The following HEMK2 variants were observed in gnomAD, a reference collection of about 807,000 sequenced individuals.
HEMK2 encodes the protein HemK methyltransferase 2, ETF1 glutamine and histone H4 lysine, also known as methyltransferase HEMK2.
chr21:28,879,492 C>G, the HEMK2 span, among the ~76,000 whole-genome samples: 8 of 152,196 alleles, frequency 5.3e-5, no homozygotes, highest in Non-Finnish European at 7.3e-5. Flanking sequence ...TCTGCCGCCT[C>G]GGCCTCCCAA....
chr21:28,732,617 G>T, the HEMK2 span, among the ~76,000 whole-genome samples: 1 of 152,184 alleles, frequency 6.6e-6, no homozygotes, highest in Admixed American at 6.5e-5. Context: ...AGGAGGAGTG[G>T]ATGTAAGCAT....
At chr21:28,606,744 G>T in the HEMK2 span, among the ~76,000 whole-genome samples, 1 of 152,184 alleles carries the variant, frequency 6.6e-6, no homozygotes, top group African/African-American at 2.4e-5. Context: ...AAATAAGACA[G>T]AAAAGGCTTC....
At chr21:28,814,404 C>T in the HEMK2 span, among the ~76,000 whole-genome samples, 3 of 151,588 alleles carry the variant, frequency 2.0e-5, no homozygotes, top group Non-Finnish European at 4.4e-5. Flanking sequence ...AACTAAAGAG[C>T]TTCTGCACAG....
the HEMK2 span, among the ~76,000 whole-genome samples, chr21:28,708,686 G>T: frequency 6.6e-6 from 1 of 152,174 alleles, no homozygotes; most frequent in African/African-American, 2.4e-5. Flanking sequence ...GCAAAAAAGG[G>T]TGTTAAAAGT....
At chr21:28,628,945 C>T in the HEMK2 span, among the ~76,000 whole-genome samples, 1 of 152,070 alleles carries the variant, frequency 6.6e-6, no homozygotes, top group Non-Finnish European at 1.5e-5. Flanking sequence ...GAAATAAATC[C>T]CAAAATATTA....
the HEMK2 span, among the ~76,000 whole-genome samples, chr21:28,700,456 G>C: frequency 6.6e-6 from 1 of 151,940 alleles, no homozygotes; most frequent in Admixed American, 6.6e-5. Flanking sequence ...ATAACCATGG[G>C]GACATTACCG....
chr21:28,656,239 G>A, the HEMK2 span, among the ~76,000 whole-genome samples: 8 of 152,000 alleles, frequency 5.3e-5, no homozygotes, highest in African/African-American at 1.9e-4. Flanking sequence ...AGTGGACCTT[G>A]TGGAAAATTC....
the HEMK2 span, among the ~76,000 whole-genome samples, chr21:28,708,781 G>T: frequency 6.6e-6 from 1 of 152,178 alleles, no homozygotes; most frequent in African/African-American, 2.4e-5. Context: ...CTCTATAAAG[G>T]CATAGCCAAA....
the HEMK2 span, among the ~76,000 whole-genome samples, chr21:28,748,086 T>C: frequency 6.6e-6 from 1 of 152,158 alleles, no homozygotes; most frequent in Non-Finnish European, 1.5e-5. Flanking sequence ...AACATAAAGA[T>C]GGTAACGATG....
chr21:28,648,288 TGA>T, the HEMK2 span, among the ~76,000 whole-genome samples: 1 of 152,216 alleles, frequency 6.6e-6, no homozygotes, highest in Non-Finnish European at 1.5e-5. Flanking sequence ...GGAAAAATCC[TGA>T]GAGTTAAACC....
chr21:28,759,150 C>G, the HEMK2 span, among the ~76,000 whole-genome samples: 10,653 of 152,258 alleles, frequency 0.07, 597 homozygotes, highest in East Asian at 0.16. Context: ...TCAGCTGCTA[C>G]CATCTTAAAA....
At chr21:28,761,955 G>GA in the HEMK2 span, among the ~76,000 whole-genome samples, 7 of 152,094 alleles carry the variant, frequency 4.6e-5, no homozygotes, top group African/African-American at 1.7e-4. Context: ...GGTAGGAAAA[G>GA]AAACATCATG....
chr21:28,625,242 G>A, the HEMK2 span, among the ~76,000 whole-genome samples: 1 of 152,166 alleles, frequency 6.6e-6, no homozygotes, highest in East Asian at 1.9e-4. Context: ...TATTTTAGGA[G>A]AAGGATTATT....
chr21:28,803,170 G>A, the HEMK2 span, among the ~76,000 whole-genome samples: 59 of 152,130 alleles, frequency 3.9e-4, no homozygotes, highest in African/African-American at 1.4e-3. Flanking sequence ...AACCCAGGCA[G>A]CAGAAGTCTT....
At chr21:28,859,520 T>G in the HEMK2 span, among the ~76,000 whole-genome samples, 1 of 152,230 alleles carries the variant, frequency 6.6e-6, no homozygotes, top group Non-Finnish European at 1.5e-5. Flanking sequence ...ACCACTGCCT[T>G]AAGTGTGGTT....
At chr21:28,628,972 T>C in the HEMK2 span, among the ~76,000 whole-genome samples, 1 of 152,218 alleles carries the variant, frequency 6.6e-6, no homozygotes, top group Non-Finnish European at 1.5e-5. Flanking sequence ...GTGGGGATTC[T>C]TGAACTTACC....
chr21:28,780,670 C>A, the HEMK2 span, among the ~76,000 whole-genome samples: 48,010 of 152,094 alleles, frequency 0.32, 7,750 homozygotes, highest in East Asian at 0.41. Context: ...TAATAGTGAA[C>A]TAAAGCTTTG....
At chr21:28,723,703 A>C in the HEMK2 span, among the ~76,000 whole-genome samples, 2 of 152,290 alleles carry the variant, frequency 1.3e-5, no homozygotes, top group East Asian at 3.9e-4. Flanking sequence ...GCCTCATGGG[A>C]CTGATGAAAT....
chr21:28,659,958 T>C, the HEMK2 span, among the ~76,000 whole-genome samples: 5 of 152,074 alleles, frequency 3.3e-5, no homozygotes, highest in African/African-American at 1.2e-4. Context: ...ATTATAGCTT[T>C]CTATTTATTA....
Sources: allele counts gnomAD v4.1 joint callset (sites outside exome capture counted in the v4.1 genomes callset), GRCh38; gene constraint gnomAD v4.1.1; transcripts MANE v1.5; gene names NCBI Gene and HGNC (gene_info 2026-07-23, HGNC 2026-07-21).